Variants in MEST observed in about 807,000 individuals in gnomAD.
MEST encodes the protein mesoderm specific transcript.
A neutral mutation model predicts 50.9 loss-of-function variants in MEST; 18 were observed. The ratio of observed to expected loss-of-function variants is 0.35; its 90% confidence interval spans 0.24 to 0.52. The LOEUF (loss-of-function observed/expected upper bound fraction) is 0.52, where lower values mean the gene tolerates loss of function less well. Ranked by LOEUF, MEST falls within the 20% of genes least tolerant of loss-of-function variation. The pLI is 0.94. For synonymous variants in MEST, 130 were observed against 154.1 expected (o/e 0.84, Z 1.16); for missense variants, 282 against 425.3 (o/e 0.66, Z 2.96).
chr7:130,489,175 A>C (rs770616646), upstream of MEST: 2 of 152,186 alleles, frequency 1.3e-5, no homozygotes, highest in Non-Finnish European at 2.9e-5. Context: ...TGAATCAGCG[A>C]GATAATAAAT....
In MEST at chr7:130,498,279, A is replaced by G; in HGVS notation, c.476+4A>G. 1.9e-6 allele frequency: 3 copies of G among 1,613,834 alleles called. No individual in the cohort carries two copies. Among genetic ancestry groups the G allele is most frequent in the Non-Finnish European group, 2.5e-6 (3 of 1,179,838 alleles). ...TTGCTCAGGAGCTTCTCTACAGGTC[A>G]GTGGAGCTTCAGACTTCAGCTTATG... On this transcript the variant is annotated splice_donor_region_variant and intron_variant, in intron 5 of 11. Coordinates refer to ENST00000223215, the MANE Select transcript of MEST (RefSeq NM_002402.4).
At chr7:130,487,115 C>T (rs1333689618), upstream of MEST, 2 of 148,058 alleles carry the variant, frequency 1.4e-5, no homozygotes, top group Non-Finnish European at 3.0e-5. Context: ...AAAAAAAAAG[C>T]GAGAAAGAGC....
At chr7:130,486,364 G>T (rs1798619067) in exon 1 of MEST, 1 of 152,306 alleles carries the variant, frequency 6.6e-6, no homozygotes. Flanking sequence ...CCGAAACATG[G>T]AGTCCTGTAG....
chr7:130,486,788 G>A (rs941738592), intron 1 of MEST: 19 of 152,352 alleles, frequency 1.2e-4, no homozygotes, highest in African/African-American at 4.3e-4. Flanking sequence ...CGATTTCTTG[G>A]GAGGCTGCGC....
chr7:130,495,054 GTCCTCTTCAGCAGGTA>G (rs2116248849), intron 1 of MEST, among the ~76,000 whole-genome samples: 1 of 152,124 alleles, frequency 6.6e-6, no homozygotes, highest in Non-Finnish European at 1.5e-5. Flanking sequence ...TTTATATAAA[GTCCTCTTCAGCAGGTA>G]TTGGGAAGAC....
In MEST at chr7:130,497,673, C is replaced by T. The variant is rs1338516369; in HGVS notation, c.262-263C>T. 2.0e-6 allele frequency: 1 copy of T among 501,354 alleles called. No individual in the cohort carries two copies. The highest frequency in any genetic ancestry group is 3.6e-6 in the Non-Finnish European group (1 of 280,144). The allele number at this position is 501,354 out of a possible 1,614,324, so 31.1% of individuals were successfully genotyped here. On this transcript the variant is annotated intron_variant, in intron 3 of 11. Coordinates refer to ENST00000223215, the MANE Select transcript of MEST (RefSeq NM_002402.4). The surrounding 1 kb of genome is among the most constrained non-coding windows in gnomAD (Gnocchi z 4.0). ...AAAAAACATTAAATGTTGAACTGTT[C>T]CTTATTTACTGAAGGGAATAAACAA...
At chr7:130,493,500 T>G (rs1468123191) in intron 1 of MEST, among the ~76,000 whole-genome samples, 3 of 152,218 alleles carry the variant, frequency 2.0e-5, no homozygotes, top group African/African-American at 7.2e-5. Context: ...GGGGCATTTT[T>G]ACTGAGGTAA....
upstream of MEST, chr7:130,488,539 C>A (rs1233675633): frequency 6.6e-6 from 1 of 152,232 alleles, no homozygotes; most frequent in Non-Finnish European, 1.5e-5. Flanking sequence ...CCAGGCACAT[C>A]TGCGTTCAGT....
intron 6 of MEST, among the ~76,000 whole-genome samples, chr7:130,499,183 G>A (rs902727021): frequency 1.1e-4 from 16 of 152,102 alleles, no homozygotes; most frequent in African/African-American, 2.4e-4. Flanking sequence ...AGAAAATACC[G>A]AACCCCTGAT....
chr7:130,496,159 C>T (rs1554436913), intron 2 of MEST: 1 of 466,998 alleles, frequency 2.1e-6, no homozygotes, highest in Non-Finnish European at 4.4e-6. Flanking sequence ...TTGTCATAAA[C>T]CGTTTTTCAT....
In MEST at chr7:130,492,636, C is replaced by A; in HGVS notation, c.26+297C>A. The A allele has an allele frequency of 3.0e-6, 1 of 328,414 alleles. No homozygotes were observed. The highest frequency in any genetic ancestry group is 5.5e-6 in the Non-Finnish European group (1 of 181,442). The allele number at this position is 328,414 out of a possible 1,614,324, so 20.3% of individuals were successfully genotyped here. The stretch of plus-strand genomic sequence containing the variant: ...GCGTCATCTTGATATGACTTAGGAT[C>A]CATAATGACCCTGGTCTCACCCTGA... On this transcript the variant is annotated intron_variant, in intron 1 of 11. Transcript: ENST00000223215. The surrounding 1 kb of genome is among the most constrained non-coding windows in gnomAD (Gnocchi z 7.6).
upstream of MEST, chr7:130,487,102 A>AAAG (rs1390899660): frequency 6.6e-6 from 1 of 151,606 alleles, no homozygotes; most frequent in African/African-American, 2.4e-5. Flanking sequence ...GTAACAGGAA[A>AAAG]AAAAAAAAAA....
Position 130,500,981 on chromosome 7 carries a change from A to G in MEST, c.749+91A>G. 1 of 1,113,190 alleles carries G rather than the reference A, an allele frequency of 9.0e-7. No individual in the cohort carries two copies. The highest frequency in any genetic ancestry group is 2.2e-5 in the Admixed American group (1 of 44,590). The allele number at this position is 1,113,190 out of a possible 1,614,324, so 69.0% of individuals were successfully genotyped here. On this transcript the variant is annotated intron_variant, in intron 9 of 11. Coordinates refer to ENST00000223215, the MANE Select transcript of MEST (RefSeq NM_002402.4). The surrounding 1 kb of genome is among the most constrained non-coding windows in gnomAD (Gnocchi z 5.0). ...TCTGTTCCTTGCTGGCTTATTCCCT[A>G]TCACAGGAAGGCTGATGATGACCTA... is the stretch of plus-strand genomic sequence containing the variant.
upstream of MEST, chr7:130,489,644 T>C (rs1417553906): frequency 6.6e-6 from 1 of 152,214 alleles, no homozygotes; most frequent in Non-Finnish European, 1.5e-5. Flanking sequence ...GGAATATGCT[T>C]TCTCTGCCTA....
chr7:130,496,122 G>A, intron 2 of MEST: 1 of 470,080 alleles, frequency 2.1e-6, no homozygotes, highest in Non-Finnish European at 4.4e-6. Context: ...GTTTTGAGCG[G>A]GGGTCAAGAG....
At position 130,497,244 on chromosome 7, in the gene MEST, G is replaced by A. The variant is rs531839348; in HGVS notation, c.261+9G>A. On this transcript the variant is annotated intron_variant, in intron 3 of 11. Transcript: ENST00000223215. The surrounding 1 kb of genome is among the most constrained non-coding windows in gnomAD (Gnocchi z 4.0). ...GCTACGACTGGTACAAGGTAATGAAGTCAGACTTCTACGTCCTACTATGTC... is the reference window on the plus strand; with the variant it reads ...GCTACGACTGGTACAAGGTAATGAAATCAGACTTCTACGTCCTACTATGTC... The A allele has an allele frequency of 2.5e-6, 4 of 1,608,788 alleles. No homozygotes were observed. The highest frequency in any genetic ancestry group is 3.4e-6 in the Non-Finnish European group (4 of 1,177,394).
chr7:130,504,183 C>T (rs1433619186), intron 11 of MEST, among the ~76,000 whole-genome samples, 187 bp downstream of exon 11: 2 of 152,246 alleles, frequency 1.3e-5, no homozygotes, highest in Non-Finnish European at 2.9e-5. Flanking sequence ...TCAAGACATT[C>T]AGTTATACGT....
intron 11 of MEST, among the ~76,000 whole-genome samples, 196 bp downstream of exon 11, chr7:130,504,192 G>A (rs1799386849): frequency 1.3e-5 from 2 of 152,214 alleles, no homozygotes; most frequent in South Asian, 2.1e-4. Flanking sequence ...TCAGTTATAC[G>A]TTCTCTTGAT....
rs1253128628 is a variant in MEST at position 130,497,203 on chromosome 7, G to A, written c.229G>A (p.Gly77Ser). 3 of 1,613,072 alleles carry A rather than the reference G, an allele frequency of 1.9e-6. No individual in the cohort carries two copies. The highest frequency in any genetic ancestry group is 1.7e-6 in the Non-Finnish European group (2 of 1,179,532). Residue 77 changes from glycine (G) to serine (S), a missense_variant, in exon 3 of 12, where the codon GGT (glycine) becomes AGT (serine). Gly to Ser is a moderately conservative substitution (Grantham distance 56, BLOSUM62 0). Transcript: ENST00000223215. The surrounding 1 kb of genome is among the most constrained non-coding windows in gnomAD (Gnocchi z 4.0). ...TCCAGAGATAGTTGTGCTTTTACAC[G>A]GTTTTCCAACATCCAGCTACGACTG... is the stretch of plus-strand genomic sequence containing the variant. Reference protein sequence around the residue: ...GSPEIVVLLHGFPTSSYDWYK... With the variant: ...GSPEIVVLLHSFPTSSYDWYK...
Sources: gnomAD v4.1 joint callset for allele counts (sites outside exome capture counted in the v4.1 genomes callset) on GRCh38, gnomAD v4.1.1 for gene constraint, Gnocchi (gnomAD v3.1) non-coding constraint, MANE v1.5 for transcripts, NCBI Gene and HGNC (gene_info 2026-07-23, HGNC 2026-07-21) for gene names.